SNRNP40: variants seen among roughly 807,000 people sequenced by gnomAD.
SNRNP40 encodes the protein U5 small nuclear ribonucleoprotein 40 kDa protein.
Under a neutral mutation model 45.8 loss-of-function variants are expected in SNRNP40, and 21 were observed. The ratio of observed to expected loss-of-function variants is 0.46; its 90% CI spans 0.32 to 0.66. SNRNP40 has a LOEUF of 0.66. SNRNP40 is among the 30% of genes least tolerant of loss of function. The pLI is 0.03. For synonymous variants in SNRNP40, 142 were observed against 163.8 expected, an observed-to-expected ratio of 0.87 and a Z score of 1.01; for missense variants, 344 against 439.1, an observed-to-expected ratio of 0.78 and a Z score of 1.94.
chr1:31,262,617 T>C (rs1193724510), intron 8 of SNRNP40, among the ~76,000 whole-genome samples: 1 of 151,236 alleles, frequency 6.6e-6, no homozygotes, highest in African/African-American at 2.4e-5. Context: ...CAGTGACGTT[T>C]CCAAGGCAAT....
chr1:31,277,180 C>G (rs544268736), intron 5 of SNRNP40, among the ~76,000 whole-genome samples: 1 of 151,938 alleles, frequency 6.6e-6, no homozygotes, highest in Non-Finnish European at 1.5e-5. Flanking sequence ...CTCGGCAGAG[C>G]GAGACTCTCT....
chr1:31,289,813 G>C (rs1646089797), intron 3 of SNRNP40, among the ~76,000 whole-genome samples: 1 of 152,192 alleles, frequency 6.6e-6, no homozygotes, highest in Non-Finnish European at 1.5e-5. Context: ...CCTGACAGCT[G>C]AGTGACTCCA....
rs759690918 is a variant in SNRNP40, at chr1:31,261,538, C to T, written c.1015G>A (p.Glu339Lys). The T allele has an allele frequency of 3.1e-6, 5 of 1,610,862 alleles. No individual in the cohort carries two copies. In the East Asian group the frequency reaches 6.7e-5, roughly 22 times the overall value. The change falls in exon 9 of 10, where the codon GAG becomes AAG. Residue 339 changes from glutamate (E) to lysine (K), a missense_variant. Glu to Lys is a moderately conservative substitution (Grantham distance 56). Transcript: ENST00000263694. ...GTTGGGACAGACTTACTGATGGGCT[C>T]ATCAGGGTGGAAAGCCACTTCATTG... Reference protein sequence around the residue: ...SINEVAFHPDEPIIISASSDK... With the variant: ...SINEVAFHPDKPIIISASSDK...
intron 1 of SNRNP40, among the ~76,000 whole-genome samples, chr1:31,295,441 A>T (rs1191444913): frequency 2.0e-5 from 3 of 152,248 alleles, no homozygotes; most frequent in Non-Finnish European, 2.9e-5. Flanking sequence ...TCACTGAAAA[A>T]ATTACATTTG....
intron 8 of SNRNP40, among the ~76,000 whole-genome samples, chr1:31,263,893 C>T (rs1230664291): frequency 6.8e-6 from 1 of 146,558 alleles, no homozygotes; most frequent in Non-Finnish European, 1.5e-5. Context: ...CTTTCACTTA[C>T]CCTCCATAAA....
chr1:31,265,518 GA>G (rs897103295), intron 8 of SNRNP40, among the ~76,000 whole-genome samples: 4 of 151,044 alleles, frequency 2.6e-5, no homozygotes, highest in African/African-American at 9.7e-5. Flanking sequence ...CTGCTCATCA[GA>G]AAAAAAAAGT....
At position 31,287,941 on chromosome 1, in the gene SNRNP40, G is replaced by C. The variant is rs374639386; in HGVS notation, c.531+1313C>G. On this transcript the variant is annotated intron_variant, in intron 4 of 9. Coordinates refer to ENST00000263694, the MANE Select transcript of SNRNP40 (RefSeq NM_004814.3). ...GAACCCAGGAGGTAGAGGTTGCAGTGAGCTGAGATTGCGCCACTGCACTCC... is the reference window on the plus strand; with the variant it reads ...GAACCCAGGAGGTAGAGGTTGCAGTCAGCTGAGATTGCGCCACTGCACTCC... Among the ~76,000 whole-genome samples, 35 of 152,144 alleles carry C rather than the reference G, an allele frequency of 2.3e-4. No individual in the cohort carries two copies. The East Asian group carries it at 3.5e-3, about 15-fold the overall frequency.
chr1:31,290,891 AAAAT>A (rs745506935), intron 3 of SNRNP40, among the ~76,000 whole-genome samples: 12 of 152,056 alleles, frequency 7.9e-5, no homozygotes, highest in African/African-American at 1.7e-4. Context: ...AAAATAAAAT[AAAAT>A]AAATAAATAA....
At chr1:31,278,994 A>G (rs893342711) in intron 5 of SNRNP40, among the ~76,000 whole-genome samples, 13 of 152,072 alleles carry the variant, frequency 8.5e-5, no homozygotes, top group Admixed American at 2.0e-4. Context: ...AAGAGAGAAG[A>G]CCAGGTCTAT....
chr1:31,269,203 C>T lies in SNRNP40; in HGVS notation c.813G>A (p.Glu271=), dbSNP rs191830691. 185 of 1,612,952 alleles carry T rather than the reference C, an allele frequency of 1.1e-4. 1 individual carries two copies. In the East Asian group the frequency reaches 3.6e-3, roughly 31 times the overall value. Residue 271 remains glutamate, a synonymous_variant, in exon 7 of 10, where the codon GAG becomes GAA. Coordinates refer to ENST00000263694, the MANE Select transcript of SNRNP40 (RefSeq NM_004814.3). ...TTCCTTGAAATATCTTTACACATCT[C>T]TCTTTGGGGGCAAATGGCCGGACAT... ...VWDVRPFAPK[E]RCVKIFQGNV... is the part of the protein sequence containing the mutation.
intron 5 of SNRNP40, among the ~76,000 whole-genome samples, chr1:31,277,828 G>A (rs1435187862): frequency 6.6e-6 from 1 of 152,190 alleles, no homozygotes; most frequent in Non-Finnish European, 1.5e-5. Flanking sequence ...TTGAGTAGCT[G>A]GGATTACAGG....
intron 1 of SNRNP40, among the ~76,000 whole-genome samples, 156 bp downstream of exon 1, chr1:31,296,455 T>A (rs1367263142): frequency 6.6e-6 from 1 of 152,236 alleles, no homozygotes; most frequent in Non-Finnish European, 1.5e-5. Flanking sequence ...ATTCGCAGGC[T>A]ATGGGGAGCT....
intron 5 of SNRNP40, among the ~76,000 whole-genome samples, chr1:31,272,647 G>A (rs953526263): frequency 6.6e-6 from 1 of 152,164 alleles, no homozygotes; most frequent in South Asian, 2.1e-4. Flanking sequence ...CTTAGCATAT[G>A]CCGGGCACAA....
In SNRNP40 at chr1:31,289,438, A is replaced by T; in HGVS notation, c.366-19T>A. On this transcript the variant is annotated intron_variant, in intron 3 of 9. Coordinates refer to ENST00000263694, the MANE Select transcript of SNRNP40 (RefSeq NM_004814.3). Reference sequence around the variant, plus strand: ...AAGCATACTAGAAAGTAAGAGAAAGAATAAAAAAGAAATAAGTGAAGATAA... The same window carrying T: ...AAGCATACTAGAAAGTAAGAGAAAGTATAAAAAAGAAATAAGTGAAGATAA... 1 of 1,600,566 alleles carries T rather than the reference A, an allele frequency of 6.2e-7. No individual in the cohort carries two copies. Among genetic ancestry groups the T allele is most frequent in the Non-Finnish European group, 8.5e-7 (1 of 1,169,878 alleles).
At chr1:31,268,614 C>T (rs1381528668) in intron 7 of SNRNP40, among the ~76,000 whole-genome samples, 2 of 151,396 alleles carry the variant, frequency 1.3e-5, no homozygotes, top group Non-Finnish European at 2.9e-5. Context: ...TCTCAATGAG[C>T]TCTCAAAAAA....
At chr1:31,273,694 C>T (rs1288371148) in intron 5 of SNRNP40, among the ~76,000 whole-genome samples, 3 of 151,982 alleles carry the variant, frequency 2.0e-5, no homozygotes, top group Non-Finnish European at 4.4e-5. Context: ...AAGTATCCTA[C>T]TCAGCTGTTC....
At chr1:31,282,723 C>T (rs557761129) in intron 4 of SNRNP40, among the ~76,000 whole-genome samples, 18 of 152,056 alleles carry the variant, frequency 1.2e-4, no homozygotes, top group Admixed American at 4.6e-4. Flanking sequence ...TCACCCAGGC[C>T]GGAGTGCGGT....
chr1:31,287,853 C>T (rs1310824077), intron 4 of SNRNP40, among the ~76,000 whole-genome samples: 1 of 152,162 alleles, frequency 6.6e-6, no homozygotes, highest in East Asian at 1.9e-4. Flanking sequence ...CAAAAACTAG[C>T]TGGGCGTGGT....
At chr1:31,294,545 C>T (rs192779009) in intron 1 of SNRNP40, among the ~76,000 whole-genome samples, 55 of 151,740 alleles carry the variant, frequency 3.6e-4, no homozygotes, top group Admixed American at 6.6e-4. Context: ...TCGCAAACTC[C>T]GCCTCCTGGG....
Sources: gnomAD v4.1 joint callset for allele counts (sites outside exome capture counted in the v4.1 genomes callset) on GRCh38, gnomAD v4.1.1 for gene constraint, MANE v1.5 for transcripts, NCBI Gene and HGNC (gene_info 2026-07-23, HGNC 2026-07-21) for gene names.